ACADL: variants seen among roughly 807,000 people sequenced by gnomAD.
The protein encoded by ACADL is acyl-CoA dehydrogenase long chain, also known as long-chain specific acyl-CoA dehydrogenase, mitochondrial.
Under a neutral mutation model 56.9 loss-of-function variants are expected in ACADL, and 60 were observed. That is an observed-to-expected ratio of 1.05 (90% CI 0.86 to 1.31). ACADL has a LOEUF of 1.31. Ranked by LOEUF, ACADL falls within the 50% of genes most tolerant of loss-of-function variation. ACADL has a pLI of 0.00. For missense variants in ACADL, 484 were observed against 525.5 expected, an observed-to-expected ratio of 0.92 and a Z score of 0.77; for synonymous variants, 158 against 179.7, an observed-to-expected ratio of 0.88 and a Z score of 0.97.
intron 7 of ACADL, 33 bp from the exon 8 acceptor site, chr2:210,203,477 TC>T (rs1436064219): frequency 7.5e-6 from 10 of 1,340,186 alleles, no homozygotes; most frequent in Admixed American, 3.4e-5. Flanking sequence ...TAAACATTAC[TC>T]TAATTATGCA....
chr2:210,222,460 C>T (rs953840598), intron 1 of ACADL, among the ~76,000 whole-genome samples: 1 of 143,160 alleles, frequency 7.0e-6, no homozygotes, highest in African/African-American at 2.6e-5. Context: ...AGTTTGAAAC[C>T]AGTCTGGGCA....
chr2:210,217,617 A>G, intron 3 of ACADL: 1 of 178,778 alleles, frequency 5.6e-6, no homozygotes, highest in East Asian at 1.5e-4. Flanking sequence ...GTTCTTGTAT[A>G]TTAAATTTCT....
intron 10 of ACADL, among the ~76,000 whole-genome samples, chr2:210,190,911 TTG>T (rs1215041212): frequency 1.2e-3 from 143 of 117,332 alleles, no homozygotes; most frequent in Admixed American, 2.5e-3. Flanking sequence ...TTTGTTGTTG[TTG>T]TTGTTGTTTG....
intron 6 of ACADL, 31 bp from the exon 7 acceptor site, chr2:210,204,713 G>T (rs1351260628): frequency 1.3e-6 from 2 of 1,485,752 alleles, no homozygotes; most frequent in Admixed American, 1.7e-5. Context: ...TGTAGAGAAT[G>T]GTCTCATTTA....
chr2:210,216,795 T>A (rs1689094657), intron 3 of ACADL: 1 of 349,018 alleles, frequency 2.9e-6, no homozygotes, highest in Non-Finnish European at 5.4e-6. Context: ...TCTAACACAG[T>A]GGAATAATAA....
At chr2:210,199,453 AT>A (rs1045482004) in intron 8 of ACADL, among the ~76,000 whole-genome samples, 4 of 152,200 alleles carry the variant, frequency 2.6e-5, no homozygotes, top group Admixed American at 6.5e-5. Context: ...AAAGTTATTT[AT>A]TTTTTGCTAT....
chr2:210,225,172 C>G lies in ACADL; in HGVS notation c.77+15G>C. 2 of 1,528,544 alleles carry G rather than the reference C, an allele frequency of 1.3e-6. No homozygotes were observed. Among genetic ancestry groups the G allele is most frequent in the Non-Finnish European group, 8.7e-7 (1 of 1,143,730 alleles). The allele number at this position is 1,528,544 out of a possible 1,614,324, so 94.7% of individuals were successfully genotyped here. A position where few individuals can be genotyped will look rare whatever the true frequency, so the allele number is the denominator to read the frequency against. On this transcript the variant is annotated intron_variant, in intron 1 of 10. Transcript: ENST00000233710. ...CTCCCGGCCTGCAGCCGCGGAAGTC[C>G]CGGCTGGCACTCACCGCGCGGCGGG...
intron 6 of ACADL, 137 bp downstream of exon 6, chr2:210,205,495 A>T: frequency 1.3e-6 from 1 of 797,232 alleles, no homozygotes; most frequent in African/African-American, 1.7e-5. Context: ...AAATCTCATT[A>T]CCACATCAGA....
intron 5 of ACADL, among the ~76,000 whole-genome samples, chr2:210,207,303 T>C (rs1336108850): frequency 6.6e-6 from 1 of 152,196 alleles, no homozygotes; most frequent in Non-Finnish European, 1.5e-5. Flanking sequence ...TCAGGATAAA[T>C]TCAAAACCTT....
intron 3 of ACADL, 131 bp from the exon 4 acceptor site, chr2:210,216,642 C>T (rs941627411): frequency 2.4e-6 from 2 of 848,318 alleles, no homozygotes; most frequent in African/African-American, 1.7e-5. Context: ...TATGACATTC[C>T]TGAGTGTTTT....
intron 10 of ACADL, among the ~76,000 whole-genome samples, chr2:210,190,901 TTTGTTGTTG>T (rs1158751817): frequency 7.2e-6 from 1 of 139,500 alleles, no homozygotes; most frequent in Non-Finnish European, 1.5e-5. Flanking sequence ...ATGTGGCTTT[TTTGTTGTTG>T]TTGTTGTTGT....
In ACADL at chr2:210,225,396, G is replaced by T. The variant is rs981479818; in HGVS notation, c.-133C>A. ...GGTGTCCTCCCAAAAAAGCGCTCGCGCGCGCCCTTCCGGAGCCCCAACCAC... is the reference window on the plus strand; with the variant it reads ...GGTGTCCTCCCAAAAAAGCGCTCGCTCGCGCCCTTCCGGAGCCCCAACCAC... On this transcript the variant is annotated 5_prime_UTR_variant, in exon 1 of 11. Coordinates refer to ENST00000233710, the MANE Select transcript of ACADL (RefSeq NM_001608.4). The T allele has an allele frequency of 2.9e-6, 3 of 1,037,244 alleles. No homozygotes were observed. The highest frequency in any genetic ancestry group is 4.1e-6 in the Non-Finnish European group (3 of 734,794). The allele number at this position is 1,037,244 out of a possible 1,614,324, so 64.3% of individuals were successfully genotyped here. A position where few individuals can be genotyped will look rare whatever the true frequency, so the allele number is the denominator to read the frequency against.
intron 10 of ACADL, among the ~76,000 whole-genome samples, chr2:210,189,482 A>G (rs773283565): frequency 3.7e-4 from 56 of 152,152 alleles, no homozygotes; most frequent in Non-Finnish European, 7.1e-4. Flanking sequence ...AAAGATACAT[A>G]TTTTCTAGCA....
At chr2:210,212,791 C>T (rs373692640) in intron 4 of ACADL, among the ~76,000 whole-genome samples, 9 of 152,004 alleles carry the variant, frequency 5.9e-5, no homozygotes, top group East Asian at 3.8e-4. Flanking sequence ...TTGTACATAA[C>T]GGGCACTCAA....
At chr2:210,199,139 T>C (rs1017316048) in intron 8 of ACADL, among the ~76,000 whole-genome samples, 6 of 152,256 alleles carry the variant, frequency 3.9e-5, no homozygotes, top group Middle Eastern at 3.4e-3. Context: ...AGATCCATAG[T>C]GTACCCAGCT....
At chr2:210,208,489 A>G (rs1688926564) in intron 5 of ACADL, among the ~76,000 whole-genome samples, 1 of 152,212 alleles carries the variant, frequency 6.6e-6, no homozygotes, top group Admixed American at 6.6e-5. Context: ...ATGACACTCC[A>G]AAGTTTGAAT....
Position 210,216,373 on chromosome 2 carries a change from T to C in ACADL, c.510A>G (p.Ile170Met), listed in dbSNP as rs995959376. 6.2e-7 allele frequency: 1 copy of C among 1,613,882 alleles called. No individual in the cohort carries two copies. The highest frequency in any genetic ancestry group is 1.3e-5 in the African/African-American group (1 of 75,054). ...QMTAGKCIGA[I>M]AMTEPGAGSD... The stretch of plus-strand genomic sequence containing the variant: ...TTCCAGCTCCAGGCTCTGTCATTGC[T>C]ATTGCACCAATACATTTGCCTGCAG... Residue 170 changes from isoleucine to methionine, a missense_variant, in exon 4 of 11, where the codon ATA becomes ATG. Ile to Met is a conservative substitution (Grantham distance 10, BLOSUM62 1). Transcript: ENST00000233710.
chr2:210,190,643 C>T (rs1477526854), intron 10 of ACADL, among the ~76,000 whole-genome samples: 2 of 151,886 alleles, frequency 1.3e-5, no homozygotes, highest in Non-Finnish European at 2.9e-5. Context: ...CTCACGGGCT[C>T]GAGCCTAATG....
intron 5 of ACADL, among the ~76,000 whole-genome samples, chr2:210,206,248 GC>G (rs1688886577): frequency 6.6e-6 from 1 of 151,940 alleles, no homozygotes; most frequent in Non-Finnish European, 1.5e-5. Flanking sequence ...GACCAGCCTT[GC>G]CAAAATAGTA....
Sources: gnomAD v4.1 joint callset for allele counts (sites outside exome capture counted in the v4.1 genomes callset) on GRCh38, gnomAD v4.1.1 for gene constraint, MANE v1.5 for transcripts, NCBI Gene and HGNC (gene_info 2026-07-23, HGNC 2026-07-21) for gene names.